The following CSMD1 variants were observed in gnomAD, a reference collection of about 807,000 sequenced individuals.
CSMD1 encodes CUB and Sushi multiple domains 1.
CSMD1 carries 213 observed loss-of-function variants against 417.5 expected under a neutral mutation model. The ratio of observed to expected loss-of-function variants is 0.51; its 90% CI spans 0.46 to 0.57. The LOEUF (loss-of-function observed/expected upper bound fraction) is 0.57, where lower values mean the gene tolerates loss of function less well. Among genes scored for constraint, CSMD1 ranks in the 20% least tolerant of loss-of-function variants. The pLI, the probability that CSMD1 is intolerant of heterozygous loss-of-function variation, is 0.00. For missense variants in CSMD1, 6,923 were observed against 4,529.7 expected (o/e 1.53, Z -15.17); for synonymous variants, 2,862 against 1,736.8 (o/e 1.65, Z -16.11).
chr8:4,319,093 T>A (rs567919466), intron 3 of CSMD1, among the ~76,000 whole-genome samples: 2 of 152,134 alleles, frequency 1.3e-5, no homozygotes, highest in South Asian at 2.1e-4. Context: ...CACATATACA[T>A]GCACATAGTA....
intron 50 of CSMD1, among the ~76,000 whole-genome samples, chr8:3,045,869 ATAAT>A (rs1161268520): frequency 6.6e-6 from 1 of 152,180 alleles, no homozygotes; most frequent in African/African-American, 2.4e-5. Flanking sequence ...ATACCTCATA[ATAAT>A]TAAGTAAATT....
intron 4 of CSMD1, among the ~76,000 whole-genome samples, chr8:4,018,880 T>A (rs1796650521): frequency 6.6e-6 from 1 of 152,188 alleles, no homozygotes; most frequent in African/African-American, 2.4e-5. Flanking sequence ...ACCAGAGGGA[T>A]GATGATAATA....
At chr8:4,042,990 G>A (rs953545637) in intron 3 of CSMD1, among the ~76,000 whole-genome samples, 1 of 151,834 alleles carries the variant, frequency 6.6e-6, no homozygotes, top group Non-Finnish European at 1.5e-5. Flanking sequence ...AAATTAGCTG[G>A]GTGTGGTGAC....
chr8:4,195,594 A>G (rs549240949), intron 3 of CSMD1, among the ~76,000 whole-genome samples: 58 of 152,244 alleles, frequency 3.8e-4, no homozygotes, highest in African/African-American at 1.4e-3. Context: ...TGTCACTGTC[A>G]TGACTGTGTG....
rs772926317 is a variant in CSMD1, at chr8:3,187,970, C to G, written c.5524-5G>C. 8 of 1,609,228 alleles carry G rather than the reference C, an allele frequency of 5.0e-6. No homozygotes were observed. The South Asian group carries it at 8.9e-5, about 18-fold the overall frequency. ...GGCAAAACTGATCACTTGGATCTAC[C>G]AAACCATGACATTAAGTTAATATTT... On this transcript the variant is annotated splice_polypyrimidine_tract_variant and splice_region_variant and intron_variant, in intron 35 of 69. Coordinates refer to ENST00000635120, the MANE Select transcript of CSMD1 (RefSeq NM_033225.6).
At chr8:4,977,903 C>T (rs1402849992) in intron 1 of CSMD1, among the ~76,000 whole-genome samples, 1 of 152,228 alleles carries the variant, frequency 6.6e-6, no homozygotes, top group Non-Finnish European at 1.5e-5. Context: ...CATTCATTCA[C>T]ACATTCGAAG....
At chr8:4,409,045 G>C (rs1796499539) in intron 3 of CSMD1, among the ~76,000 whole-genome samples, 1 of 152,148 alleles carries the variant, frequency 6.6e-6, no homozygotes. Flanking sequence ...TGTCATTTGG[G>C]TGCACATTCG....
chr8:3,227,317 C>A (rs576309927), intron 27 of CSMD1, among the ~76,000 whole-genome samples: 1 of 18,418 alleles, frequency 5.4e-5, no homozygotes, highest in Non-Finnish European at 9.5e-5. Context: ...AGGAGAATCA[C>A]TGGAACACGG....
chr8:4,883,747 T>C (rs973747934), intron 1 of CSMD1, among the ~76,000 whole-genome samples: 2 of 152,102 alleles, frequency 1.3e-5, no homozygotes, highest in African/African-American at 4.8e-5. Flanking sequence ...TTGTTATTTT[T>C]TCACATTTTG....
intron 3 of CSMD1, among the ~76,000 whole-genome samples, chr8:4,142,080 TA>T (rs1803826424): frequency 6.8e-6 from 1 of 146,612 alleles, no homozygotes; most frequent in Non-Finnish European, 1.5e-5. Context: ...AATAACTCCA[TA>T]CTGGAACATT....
At chr8:4,048,059 T>G (rs1053156745) in intron 3 of CSMD1, among the ~76,000 whole-genome samples, 1 of 152,190 alleles carries the variant, frequency 6.6e-6, no homozygotes, top group Non-Finnish European at 1.5e-5. Context: ...TTCATTCTTT[T>G]CCAAATATTT....
intron 54 of CSMD1, 131 bp downstream of exon 54, chr8:2,997,880 C>G (rs896737231): frequency 3.1e-5 from 26 of 838,752 alleles, no homozygotes; most frequent in Non-Finnish European, 8.7e-6. Flanking sequence ...TGCTTTCACA[C>G]CTGAATGGTG....
intron 1 of CSMD1, among the ~76,000 whole-genome samples, chr8:4,810,464 A>G (rs1798832169): frequency 6.6e-6 from 1 of 152,110 alleles, no homozygotes; most frequent in African/African-American, 2.4e-5. Context: ...GCCACCTAGT[A>G]CCACCCGAGT....
At chr8:3,331,026 G>A (rs781139707) in intron 23 of CSMD1, among the ~76,000 whole-genome samples, 5 of 151,656 alleles carry the variant, frequency 3.3e-5, no homozygotes, top group East Asian at 1.9e-4. Context: ...CGAGGCGGGC[G>A]GATCACCAGG....
At chr8:4,863,561 C>T (rs11786750) in intron 1 of CSMD1, among the ~76,000 whole-genome samples, 58,965 of 151,872 alleles carry the variant, frequency 0.39, 12,147 homozygotes, top group Admixed American at 0.52. Flanking sequence ...CTCATTCCTG[C>T]ATTTTTTTAG....
intron 50 of CSMD1, among the ~76,000 whole-genome samples, chr8:3,030,840 T>C (rs1810297271): frequency 6.6e-6 from 1 of 152,032 alleles, no homozygotes; most frequent in Admixed American, 6.6e-5. Context: ...ACCAAAATTT[T>C]ACAAAAATCT....
intron 27 of CSMD1, among the ~76,000 whole-genome samples, chr8:3,224,561 T>C (rs1212935281): frequency 6.6e-6 from 1 of 152,176 alleles, no homozygotes; most frequent in East Asian, 1.9e-4. Context: ...AGTATACATA[T>C]CAGTGAGGAG....
At chr8:3,019,551 A>G (rs1382919557) in intron 51 of CSMD1, among the ~76,000 whole-genome samples, 1 of 152,128 alleles carries the variant, frequency 6.6e-6, no homozygotes, top group African/African-American at 2.4e-5. Context: ...TGGGCTCATG[A>G]GCTCTGTAAG....
chr8:4,984,260 C>T (rs1584952310), intron 1 of CSMD1, among the ~76,000 whole-genome samples: 1 of 152,286 alleles, frequency 6.6e-6, no homozygotes, highest in East Asian at 1.9e-4. Context: ...GTTCTAGCTT[C>T]CAATAAGTAG....
Sources: allele counts gnomAD v4.1 joint callset (sites outside exome capture counted in the v4.1 genomes callset), GRCh38; gene constraint gnomAD v4.1.1; transcripts MANE v1.5; gene names NCBI Gene and HGNC (gene_info 2026-07-23, HGNC 2026-07-21).